The following TAPT1 variants were observed in gnomAD, a reference collection of about 807,000 sequenced individuals.
The protein encoded by TAPT1 is transmembrane anterior posterior transformation protein 1 homolog.
A neutral mutation model predicts 65.6 loss-of-function variants in TAPT1; 28 were observed. The ratio of observed to expected loss-of-function variants is 0.43; its 90% CI spans 0.32 to 0.59. The LOEUF is 0.59. Ranked by LOEUF, TAPT1 falls within the 20% of genes least tolerant of loss-of-function variation. The pLI is 0.09. For missense variants in TAPT1, 563 were observed against 679.9 expected (o/e 0.83, Z 1.91); for synonymous variants, 278 against 245.2 (o/e 1.13, Z -1.25).
chr4:16,215,088 A>G (rs1323441968), intron 1 of TAPT1, among the ~76,000 whole-genome samples: 1 of 152,042 alleles, frequency 6.6e-6, no homozygotes, highest in Non-Finnish European at 1.5e-5. Flanking sequence ...TCAGGAGTTC[A>G]AGACCAGCCT....
At position 16,176,185 on chromosome 4, in the gene TAPT1, T is replaced by A; in HGVS notation, c.1041A>T (p.Ala347=). The change falls in exon 9 of 14, where the codon GCA becomes GCT. Residue 347 remains alanine, a synonymous_variant. Coordinates refer to ENST00000405303, the MANE Select transcript of TAPT1 (RefSeq NM_153365.3). ...VLFPDVCMVI[A]SEIAVDIVKH... is the part of the protein sequence containing the mutation. Reference sequence around the variant, plus strand: ...TTACAATATCCACGGCAATTTCTGATGCAATTACCATACAGACATCTGGAA... The same window carrying A: ...TTACAATATCCACGGCAATTTCTGAAGCAATTACCATACAGACATCTGGAA... 6.3e-7 allele frequency: 1 copy of A among 1,578,706 alleles called. No individual in the cohort carries two copies. Among genetic ancestry groups the A allele is most frequent in the Non-Finnish European group, 8.6e-7 (1 of 1,161,338 alleles).
intron 7 of TAPT1, among the ~76,000 whole-genome samples, chr4:16,180,893 T>C (rs567012346): frequency 6.6e-6 from 1 of 152,306 alleles, no homozygotes; most frequent in Non-Finnish European, 1.5e-5. Flanking sequence ...GCTGAAGCAC[T>C]ATTTATTATG....
chr4:16,173,530 T>C (rs1482233597), intron 11 of TAPT1, among the ~76,000 whole-genome samples: 1 of 152,198 alleles, frequency 6.6e-6, no homozygotes, highest in Middle Eastern at 3.4e-3. Context: ...GCCATTCTCC[T>C]GCCTCAGCCT....
chr4:16,194,181 A>G (rs1352304023), intron 3 of TAPT1, among the ~76,000 whole-genome samples: 1 of 152,262 alleles, frequency 6.6e-6, no homozygotes, highest in Non-Finnish European at 1.5e-5. Flanking sequence ...AAAATGATAT[A>G]ATACCACACT....
At chr4:16,171,365 A>G (rs1578412881) in intron 11 of TAPT1, among the ~76,000 whole-genome samples, 2 of 152,236 alleles carry the variant, frequency 1.3e-5, no homozygotes, top group African/African-American at 4.8e-5. Flanking sequence ...TCACAGAAAT[A>G]AAGGAATAAA....
At chr4:16,191,613 C>A in intron 3 of TAPT1, 90 bp from the exon 4 acceptor site, 1 of 1,277,226 alleles carries the variant, frequency 7.8e-7, no homozygotes, top group South Asian at 1.7e-5. Flanking sequence ...CACTGGCATA[C>A]AAAGGTAAAA....
rs1220223689 is a variant in TAPT1, at chr4:16,170,712, T to C, written c.1254A>G (p.Thr418=). Residue 418 remains threonine (T), a synonymous_variant, in exon 12 of 14, where the codon ACA becomes ACG. Coordinates refer to ENST00000405303, the MANE Select transcript of TAPT1 (RefSeq NM_153365.3). ...PLAVLLIRVV[T]SSIKVQGILS... is the part of the protein sequence containing the mutation. ...GGATTCCTTGCACTTTAATTGAGCT[T>C]GTTACAACTCTGATGAGCTAGCCAG... 6.2e-7 allele frequency: 1 copy of C among 1,613,708 alleles called. No individual in the cohort carries two copies. The highest frequency in any genetic ancestry group is 1.7e-5 in the Admixed American group (1 of 60,020).
At chr4:16,210,564 A>T (rs760579524) in intron 2 of TAPT1, among the ~76,000 whole-genome samples, 112 of 152,214 alleles carry the variant, frequency 7.4e-4, no homozygotes, top group Non-Finnish European at 1.4e-3. Context: ...TAATATATAG[A>T]TGAGACAACT....
At chr4:16,168,542 G>A (rs1228010451) in intron 12 of TAPT1, among the ~76,000 whole-genome samples, 2 of 152,162 alleles carry the variant, frequency 1.3e-5, no homozygotes, top group Admixed American at 6.5e-5. Context: ...CTGAGCCTAC[G>A]CTCTTCCCAG....
At chr4:16,217,102 T>C (rs1011947058) in intron 1 of TAPT1, among the ~76,000 whole-genome samples, 4 of 152,200 alleles carry the variant, frequency 2.6e-5, no homozygotes, top group Non-Finnish European at 4.4e-5. Context: ...GGAGTGAACA[T>C]GCCCAGACGG....
At chr4:16,175,504 T>C (rs1748264024) in intron 9 of TAPT1, among the ~76,000 whole-genome samples, 2 of 152,138 alleles carry the variant, frequency 1.3e-5, no homozygotes, top group Non-Finnish European at 2.9e-5. Flanking sequence ...CAGTAAAATC[T>C]AGAAAACTGT....
At chr4:16,210,520 G>A (rs1184322306) in intron 2 of TAPT1, among the ~76,000 whole-genome samples, 1 of 152,134 alleles carries the variant, frequency 6.6e-6, no homozygotes, top group Non-Finnish European at 1.5e-5. Flanking sequence ...CTGATGTGAA[G>A]GTTGTGAAAA....
chr4:16,166,468 A>G (rs551654946), intron 13 of TAPT1, among the ~76,000 whole-genome samples, 165 bp downstream of exon 13: 7 of 152,294 alleles, frequency 4.6e-5, no homozygotes, highest in South Asian at 4.1e-4. Context: ...AACTCAGAAC[A>G]CTGGGCCAGG....
intron 1 of TAPT1, among the ~76,000 whole-genome samples, chr4:16,217,386 T>C (rs58219808): frequency 0.018 from 2,728 of 151,858 alleles, 75 homozygotes; most frequent in African/African-American, 0.062. Context: ...AAAAATGAAA[T>C]GGAAAGGGAA....
At chr4:16,191,825 C>T (rs1269638471) in intron 3 of TAPT1, among the ~76,000 whole-genome samples, 1 of 152,138 alleles carries the variant, frequency 6.6e-6, no homozygotes, top group African/African-American at 2.4e-5. Context: ...AGATTTCCAC[C>T]ATTATGGCAT....
intron 12 of TAPT1, among the ~76,000 whole-genome samples, chr4:16,169,803 C>G (rs1747873869): frequency 1.3e-5 from 2 of 152,212 alleles, no homozygotes; most frequent in South Asian, 4.1e-4. Context: ...GTGCTAAGCC[C>G]TGGGCAGGAA....
Position 16,174,671 on chromosome 4 carries a change from T to C in TAPT1, c.1166A>G (p.Asn389Ser), listed in dbSNP as rs1266903876. The change falls in exon 10 of 14, where the codon AAT (asparagine) becomes AGT (serine). Residue 389 changes from asparagine to serine, a missense_variant and splice_region_variant. Asn to Ser is a conservative substitution (Grantham distance 46, BLOSUM62 1). Around this residue, in one of 5 missense-constraint regions of TAPT1, gnomAD observed 104 missense variants for 102.5 expected, o/e 1.01. Transcript: ENST00000405303. ...AFDLVSSRQK[N>S]AYTDYSDSVA... The stretch of plus-strand genomic sequence containing the variant: ...ACTACGCCCTTGATAAATGCTCACA[T>C]TTTTCTGTCGGCTGCTAACAAGGTC... The C allele has an allele frequency of 6.3e-7, 1 of 1,590,458 alleles. No homozygotes were observed. Among genetic ancestry groups the C allele is most frequent in the African/African-American group, 1.3e-5 (1 of 74,442 alleles).
chr4:16,227,054 C>G (rs1230558883), upstream of TAPT1: 1 of 454,470 alleles, frequency 2.2e-6, no homozygotes, highest in African/African-American at 2.0e-5. Flanking sequence ...CCTGCCTGCC[C>G]GCTATTTTGG....
chr4:16,204,588 C>T lies in TAPT1; in HGVS notation c.331-2008G>A, dbSNP rs534653381. The stretch of plus-strand genomic sequence containing the variant: ...AGGACAGAAATGTTCACCAGGCTCT[C>T]TGTCTCTGAGAGATCTTTTCTGGAA... On this transcript the variant is annotated intron_variant, in intron 2 of 13. Transcript: ENST00000405303. Among the ~76,000 whole-genome samples the T allele has an allele frequency of 4.6e-5, 7 of 152,378 alleles. No individual in the cohort carries two copies. The South Asian group carries it at 1.4e-3, about 32-fold the overall frequency.
Sources: allele counts gnomAD v4.1 joint callset (sites outside exome capture counted in the v4.1 genomes callset), GRCh38; gene constraint gnomAD v4.1.1; regional missense constraint gnomAD v4.1.1; transcripts MANE v1.5; gene names NCBI Gene and HGNC (gene_info 2026-07-23, HGNC 2026-07-21).